The following CSNK1E variants were observed in gnomAD, a reference collection of about 807,000 sequenced individuals.
CSNK1E encodes casein kinase 1 epsilon, also known as casein kinase I isoform epsilon.
Under a neutral mutation model 46.1 loss-of-function variants are expected in CSNK1E, and 17 were observed. That is an observed-to-expected ratio of 0.37 (90% CI 0.25 to 0.55). The LOEUF is 0.55. Among genes scored for constraint, CSNK1E ranks in the 20% least tolerant of loss-of-function variants. CSNK1E has a pLI of 0.82. For missense variants in CSNK1E, 386 were observed against 595.4 expected (o/e 0.65, Z 3.66); for synonymous variants, 241 against 242.6 (o/e 0.99, Z 0.06).
chr22:38,299,486 C>A (rs1277003648), intron 6 of CSNK1E, among the ~76,000 whole-genome samples: 1 of 152,228 alleles, frequency 6.6e-6, no homozygotes, highest in Non-Finnish European at 1.5e-5. Flanking sequence ...GGGATTACTG[C>A]TCAGGTGCCA....
intron 4 of CSNK1E, among the ~76,000 whole-genome samples, chr22:38,301,874 C>T (rs964959002): frequency 5.9e-5 from 9 of 152,174 alleles, no homozygotes; most frequent in Admixed American, 3.3e-4. Context: ...GCTCACACAC[C>T]TTCAGCCTAC....
chr22:38,308,927 G>A (rs970931194), intron 2 of CSNK1E, among the ~76,000 whole-genome samples: 2 of 152,144 alleles, frequency 1.3e-5, no homozygotes, highest in Non-Finnish European at 2.9e-5. Context: ...TTGAATGGCC[G>A]GCTAAGATCC....
At position 38,291,839 on chromosome 22, in the gene CSNK1E, A is replaced by G. The variant is rs1426383719; in HGVS notation, c.*132T>C. 2 of 147,730 alleles carry G rather than the reference A, an allele frequency of 1.4e-5. No homozygotes were observed. The highest frequency in any genetic ancestry group is 3.0e-5 in the Non-Finnish European group (2 of 67,262). 9.2% of individuals were successfully genotyped at this position (147,730 alleles called of 1,614,324 possible). On this transcript the variant is annotated 3_prime_UTR_variant, in exon 11 of 11. Transcript: ENST00000396832. ...CAAAGAAATCAAAGAAACAAACTCC[A>G]TCGTCGGTTTTGTGCTGGGTTTTTT...
In CSNK1E at chr22:38,317,230, C is replaced by A. The variant is rs1308489067; in HGVS notation, c.-83G>T. Reference sequence around the variant, plus strand: ...CGCGGGCGGGGGCGGCCCGCCGGGGCGGATGCCGGAGGATTCGCGGAGCCG... The same window carrying A: ...CGCGGGCGGGGGCGGCCCGCCGGGGAGGATGCCGGAGGATTCGCGGAGCCG... On this transcript the variant is annotated 5_prime_UTR_variant, in exon 1 of 11. Transcript: ENST00000396832. 1 of 148,852 alleles carries A rather than the reference C, an allele frequency of 6.7e-6. No individual in the cohort carries two copies. Among genetic ancestry groups the A allele is most frequent in the African/African-American group, 2.4e-5 (1 of 40,886 alleles). The allele number at this position is 148,852 out of a possible 1,614,324, so 9.2% of individuals were successfully genotyped here.
chr22:38,296,667 G>A (rs750107710), intron 7 of CSNK1E: 75 of 1,612,654 alleles, frequency 4.7e-5, no homozygotes, highest in Non-Finnish European at 6.4e-5. Flanking sequence ...AGCAGCAGTG[G>A]GTGGAGAGGT....
chr22:38,314,079 T>C lies in CSNK1E; in HGVS notation c.76+3A>G. ...GGCTCCAGCTGGAGCTAGGAACACT[T>C]ACCCAGGTAGATATCTCCGAAGGAC... is the stretch of plus-strand genomic sequence containing the variant. On this transcript the variant is annotated splice_donor_region_variant and intron_variant, in intron 2 of 10. Coordinates refer to ENST00000396832, the MANE Select transcript of CSNK1E (RefSeq NM_152221.3). The C allele has an allele frequency of 6.2e-7, 1 of 1,613,662 alleles. No individual in the cohort carries two copies. Among genetic ancestry groups the C allele is most frequent in the Non-Finnish European group, 8.5e-7 (1 of 1,179,708 alleles).
chr22:38,299,853 T>C (rs1217696334), intron 6 of CSNK1E, 42 bp downstream of exon 6: 17 of 1,601,082 alleles, frequency 1.1e-5, no homozygotes, highest in Non-Finnish European at 1.3e-5. Context: ...AGACAGTGCC[T>C]CAGGGGCCCC....
At chr22:38,305,121 CAAAAAAAAA>C (rs33987200) in intron 2 of CSNK1E, among the ~76,000 whole-genome samples, 3 of 52,800 alleles carry the variant, frequency 5.7e-5, no homozygotes, top group Non-Finnish European at 1.0e-4. Flanking sequence ...AACTCCAGCT[CAAAAAAAAA>C]AAAAAAAAAA....
chr22:38,296,672 A>T (rs1602543016), intron 7 of CSNK1E: 1 of 1,612,574 alleles, frequency 6.2e-7, no homozygotes, highest in African/African-American at 1.3e-5. Context: ...CAGTGGGTGG[A>T]GAGGTGCTCC....
intron 2 of CSNK1E, among the ~76,000 whole-genome samples, chr22:38,312,399 A>C (rs135763): frequency 0.83 from 126,743 of 152,208 alleles, 52,892 homozygotes; most frequent in African/African-American, 0.87. Context: ...CCATCCCGGC[A>C]TTTTTCTATT....
Position 38,300,639 on chromosome 22 carries a change from C to CAGGGTAGG in CSNK1E, c.565+77_565+84dup. The CAGGGTAGG allele has an allele frequency of 7.6e-7, 1 of 1,323,526 alleles. No homozygotes were observed. Among genetic ancestry groups the CAGGGTAGG allele is most frequent in the East Asian group, 2.3e-5 (1 of 43,276 alleles). The allele number at this position is 1,323,526 out of a possible 1,614,324, so 82.0% of individuals were successfully genotyped here. On this transcript the variant is annotated intron_variant, in intron 5 of 10. Transcript: ENST00000396832. The surrounding 1 kb of genome is among the most constrained non-coding windows in gnomAD (Gnocchi z 4.4). ...TAGAAAAGAGCCTGGGGGCCTCCAT[C>CAGGGTAGG]AGGGTAGGGGGTGAGAGGGCTCCAG...
chr22:38,298,317 G>C lies in CSNK1E; in HGVS notation c.885+469C>G. 1 of 753,400 alleles carries C rather than the reference G, an allele frequency of 1.3e-6. No homozygotes were observed. The allele number at this position is 753,400 out of a possible 1,614,324, so 46.7% of individuals were successfully genotyped here. The stretch of plus-strand genomic sequence containing the variant: ...CCCCACCCCTGGGACTCTTAAAAGA[G>C]GGAAACAGAACAACTGCCTAGCCAG... On this transcript the variant is annotated intron_variant, in intron 7 of 10. Transcript: ENST00000396832. The surrounding 1 kb of genome is among the most constrained non-coding windows in gnomAD (Gnocchi z 4.2).
chr22:38,307,154 G>C (rs2092702042), intron 2 of CSNK1E, among the ~76,000 whole-genome samples: 2 of 151,812 alleles, frequency 1.3e-5, no homozygotes. Context: ...CTGGGTGACA[G>C]AGCAAGACCA....
In CSNK1E at chr22:38,298,118, C is replaced by T. The variant is rs1179309804; in HGVS notation, c.885+668G>A. On this transcript the variant is annotated intron_variant, in intron 7 of 10. Coordinates refer to ENST00000396832, the MANE Select transcript of CSNK1E (RefSeq NM_152221.3). The surrounding 1 kb of genome is among the most constrained non-coding windows in gnomAD (Gnocchi z 4.2). ...CCAGTACGTGGGTGAGTACGTGGGC[C>T]CAGCACAGGGACAGGGGCGGGGACA... 2 of 1,280,928 alleles carry T rather than the reference C, an allele frequency of 1.6e-6. No individual in the cohort carries two copies. The highest frequency in any genetic ancestry group is 5.0e-5 in the Admixed American group (2 of 40,326). The allele number at this position is 1,280,928 out of a possible 1,614,324, so 79.3% of individuals were successfully genotyped here. A position where few individuals can be genotyped will look rare whatever the true frequency, so the allele number is the denominator to read the frequency against.
At position 38,291,789 on chromosome 22, in the gene CSNK1E, G is replaced by A. The variant is rs983005065; in HGVS notation, c.*182C>T. The A allele has an allele frequency of 6.6e-6, 1 of 152,504 alleles. No individual in the cohort carries two copies. Among genetic ancestry groups the A allele is most frequent in the African/African-American group, 2.4e-5 (1 of 41,418 alleles). 9.4% of individuals were successfully genotyped at this position (152,504 alleles called of 1,614,324 possible). A position where few individuals can be genotyped will look rare whatever the true frequency, so the allele number is the denominator to read the frequency against. ...AGGGGGCAAGAATCCTCAGTGCTGA[G>A]GGCATCTCATCTTCTTGCCATTGGC... On this transcript the variant is annotated 3_prime_UTR_variant, in exon 11 of 11. Coordinates refer to ENST00000396832, the MANE Select transcript of CSNK1E (RefSeq NM_152221.3).
intron 7 of CSNK1E, chr22:38,296,209 C>G: frequency 9.6e-7 from 1 of 1,036,912 alleles, no homozygotes; most frequent in Non-Finnish European, 1.2e-6. Context: ...CAGCAGGGAG[C>G]TCTCTTGGCC....
At position 38,291,474 on chromosome 22, in the gene CSNK1E, G is replaced by C. The variant is rs1354446759; in HGVS notation, c.*497C>G. 6.6e-6 allele frequency: 1 copy of C among 152,540 alleles called. No individual in the cohort carries two copies. 9.4% of individuals were successfully genotyped at this position (152,540 alleles called of 1,614,324 possible). A position where few individuals can be genotyped will look rare whatever the true frequency, so the allele number is the denominator to read the frequency against. ...AGCCCAGCACGGGAAGTCAGCCACT[G>C]TCATCTCAGAGTGGGTGGGGCTGTG... is the stretch of plus-strand genomic sequence containing the variant. On this transcript the variant is annotated 3_prime_UTR_variant, in exon 11 of 11. Coordinates refer to ENST00000396832, the MANE Select transcript of CSNK1E (RefSeq NM_152221.3).
Position 38,303,442 on chromosome 22 carries a change from G to A in CSNK1E, c.77-194C>T, listed in dbSNP as rs775417589. ...GTTCCTGAGGGGAAAGAAGGTCAGC[G>A]CTGTGAGGGACAGAGGTGACACACA... On this transcript the variant is annotated intron_variant, in intron 2 of 10. Transcript: ENST00000396832. This position sits in a 1 kb window ranked among gnomAD's most constrained non-coding sequence, Gnocchi z 4.7. Among the ~76,000 whole-genome samples, 16 of 152,202 alleles carry A rather than the reference G, an allele frequency of 1.1e-4. 1 individual carries two copies. The highest frequency in any genetic ancestry group is 1.8e-4 in the Non-Finnish European group (12 of 68,034).
In CSNK1E at chr22:38,293,275, T is replaced by C. The variant is rs142283293; in HGVS notation, c.*12A>G. 1.9e-4 allele frequency: 309 copies of C among 1,611,766 alleles called. 1 individual carries two copies. In the East Asian group the frequency reaches 5.9e-3, roughly 31 times the overall value. On this transcript the variant is annotated 3_prime_UTR_variant, in exon 10 of 11. Transcript: ENST00000396832. ...CTCACCTAAGCAAACACTGGTCCAA[T>C]GGGGGCTCTCCTCACTTCCCGAGAT...
Sources: allele counts gnomAD v4.1 joint callset (sites outside exome capture counted in the v4.1 genomes callset), GRCh38; gene constraint gnomAD v4.1.1; non-coding constraint Gnocchi (gnomAD v3.1); transcripts MANE v1.5; gene names NCBI Gene and HGNC (gene_info 2026-07-23, HGNC 2026-07-21).